PCED1B: variants seen among roughly 807,000 people sequenced by gnomAD.
PCED1B encodes the protein PC-esterase domain-containing protein 1B.
For missense variants in PCED1B, 573 were observed against 573.9 expected (o/e 1.00, Z 0.02); for synonymous variants, 251 against 246.1 (o/e 1.02, Z -0.19).
At chr12:47,226,856 C>CT (rs1369189984) in intron 3 of PCED1B, among the ~76,000 whole-genome samples, 1 of 152,130 alleles carries the variant, frequency 6.6e-6, no homozygotes, top group East Asian at 1.9e-4. Flanking sequence ...TTTTCGAATC[C>CT]TTTTTTTGTT....
At chr12:47,203,916 TG>T (rs1263167538) in intron 2 of PCED1B, among the ~76,000 whole-genome samples, 1 of 152,222 alleles carries the variant, frequency 6.6e-6, no homozygotes, top group African/African-American at 2.4e-5. Flanking sequence ...TTCAAATGGT[TG>T]AACTAATTTA....
chr12:47,168,984 A>G (rs1358625703), intron 2 of PCED1B, among the ~76,000 whole-genome samples: 1 of 152,202 alleles, frequency 6.6e-6, no homozygotes, highest in Non-Finnish European at 1.5e-5. Flanking sequence ...AATACTTTCT[A>G]CTCAAAGGAT....
intron 2 of PCED1B, among the ~76,000 whole-genome samples, chr12:47,174,434 A>G (rs1331356804): frequency 6.7e-6 from 1 of 149,950 alleles, no homozygotes; most frequent in Non-Finnish European, 1.5e-5. Context: ...CAAAACAAAC[A>G]AACAAACAAA....
intron 2 of PCED1B, among the ~76,000 whole-genome samples, chr12:47,197,048 G>A (rs1483981378): frequency 2.7e-5 from 4 of 150,628 alleles, no homozygotes; most frequent in Admixed American, 2.6e-4. Context: ...AGACCAGCCT[G>A]ACCAACATGG....
chr12:47,170,851 T>G (rs1378258092), intron 2 of PCED1B, among the ~76,000 whole-genome samples: 1 of 152,148 alleles, frequency 6.6e-6, no homozygotes, highest in Non-Finnish European at 1.5e-5. Flanking sequence ...TTTCCTCTTT[T>G]TTCTTTCTTC....
intron 2 of PCED1B, among the ~76,000 whole-genome samples, chr12:47,125,103 A>C (rs1389984876): frequency 6.6e-6 from 1 of 152,018 alleles, no homozygotes; most frequent in Non-Finnish European, 1.5e-5. Context: ...AAGTTCATAA[A>C]GGATTTCTCC....
chr12:47,172,340 C>CTTTTTTTTTTTTTTTTTTTTTTTTT (rs34230051), intron 2 of PCED1B, among the ~76,000 whole-genome samples: 4 of 78,334 alleles, frequency 5.1e-5, no homozygotes, highest in Admixed American at 1.5e-4. Context: ...TCGTGGGTTG[C>CTTTTTTTTTTTTTTTTTTTTTTTTT]TTTTTTTTTT....
At chr12:47,160,135 C>T (rs1941321172) in intron 2 of PCED1B, among the ~76,000 whole-genome samples, 1 of 152,104 alleles carries the variant, frequency 6.6e-6, no homozygotes, top group Admixed American at 6.5e-5. Flanking sequence ...ATTTTGTTTA[C>T]TACAGCCTTG....
intron 2 of PCED1B, among the ~76,000 whole-genome samples, chr12:47,120,839 C>T (rs544090112): frequency 1.3e-5 from 2 of 152,002 alleles, no homozygotes; most frequent in Non-Finnish European, 2.9e-5. Context: ...ACAATACATG[C>T]TACAACGTGG....
intron 2 of PCED1B, among the ~76,000 whole-genome samples, chr12:47,212,036 C>CT (rs1221772699): frequency 6.9e-6 from 1 of 144,980 alleles, no homozygotes; most frequent in Non-Finnish European, 1.5e-5. Flanking sequence ...GATCGTGCCA[C>CT]TGTACTCCAG....
chr12:47,131,502 A>G (rs1316823590), intron 2 of PCED1B, among the ~76,000 whole-genome samples: 2 of 152,138 alleles, frequency 1.3e-5, no homozygotes, highest in African/African-American at 4.8e-5. Flanking sequence ...CTTCATCAGT[A>G]GTGGCTGGAA....
intron 2 of PCED1B, among the ~76,000 whole-genome samples, chr12:47,133,785 G>A (rs1189928527): frequency 6.6e-6 from 1 of 152,126 alleles, no homozygotes; most frequent in Non-Finnish European, 1.5e-5. Context: ...CCCCTAAAAA[G>A]TTTATATATT....
intron 2 of PCED1B, among the ~76,000 whole-genome samples, chr12:47,111,581 C>T (rs560780224): frequency 6.6e-6 from 1 of 151,994 alleles, no homozygotes; most frequent in Middle Eastern, 3.4e-3. Context: ...TAAAAAAAAA[C>T]CTCCTAATTC....
At chr12:47,192,494 T>C (rs1321840552) in intron 2 of PCED1B, among the ~76,000 whole-genome samples, 1 of 152,202 alleles carries the variant, frequency 6.6e-6, no homozygotes, top group Non-Finnish European at 1.5e-5. Flanking sequence ...AAACTTTCCT[T>C]TGGGAAAAGT....
At chr12:47,173,246 C>A (rs945993434) in intron 2 of PCED1B, among the ~76,000 whole-genome samples, 2 of 152,106 alleles carry the variant, frequency 1.3e-5, no homozygotes, top group African/African-American at 4.8e-5. Context: ...AGTTCAGAAT[C>A]ATTTATCTCC....
chr12:47,099,603 C>T (rs1222001936), intron 1 of PCED1B, among the ~76,000 whole-genome samples: 2 of 152,122 alleles, frequency 1.3e-5, no homozygotes, highest in Non-Finnish European at 2.9e-5. Context: ...GATAAGACCC[C>T]CTCAAAAACC....
intron 2 of PCED1B, among the ~76,000 whole-genome samples, chr12:47,110,212 G>C (rs1338007333): frequency 6.6e-6 from 1 of 152,130 alleles, no homozygotes; most frequent in Non-Finnish European, 1.5e-5. Flanking sequence ...AAAATGAATG[G>C]ACAATTAGTC....
intron 2 of PCED1B, chr12:47,138,471 T>A (rs1940471602): frequency 6.6e-6 from 1 of 152,262 alleles, no homozygotes; most frequent in Non-Finnish European, 1.5e-5. Context: ...TCTTGCCTTA[T>A]GCATGACTAC....
intron 2 of PCED1B, among the ~76,000 whole-genome samples, chr12:47,173,133 C>T (rs963332707): frequency 3.3e-5 from 5 of 152,176 alleles, no homozygotes; most frequent in African/African-American, 4.8e-5. Context: ...GGCATTAAAT[C>T]GGATGATTAA....
Sources: gnomAD v4.1 joint callset for allele counts (sites outside exome capture counted in the v4.1 genomes callset) on GRCh38, gnomAD v4.1.1 for gene constraint, MANE v1.5 for transcripts, NCBI Gene and HGNC (gene_info 2026-07-23, HGNC 2026-07-21) for gene names.